Variants in GRIA1 observed in about 807,000 individuals in gnomAD.
The protein encoded by GRIA1 is glutamate ionotropic receptor AMPA type subunit 1, also known as glutamate receptor 1.
In GRIA1, 31 loss-of-function variants were observed where a neutral mutation model predicts 99.2. The ratio of observed to expected loss-of-function variants is 0.31; its 90% CI spans 0.23 to 0.42. GRIA1 has a LOEUF of 0.42. Ranked by LOEUF, GRIA1 falls within the 10% of genes least tolerant of loss-of-function variation. The pLI, the probability that GRIA1 is intolerant of heterozygous loss-of-function variation, is 1.00. For synonymous variants in GRIA1, 438 were observed against 432.4 expected (o/e 1.01, Z -0.16); for missense variants, 782 against 1,157.5 (o/e 0.68, Z 4.71).
intron 2 of GRIA1, among the ~76,000 whole-genome samples, chr5:153,588,442 T>G (rs1763686055): frequency 6.6e-6 from 1 of 152,206 alleles, no homozygotes; most frequent in Admixed American, 6.5e-5. Context: ...CATCAAAGAC[T>G]TCTGTAATTT....
chr5:153,557,940 CA>C (rs1760799223), intron 2 of GRIA1: 2 of 152,146 alleles, frequency 1.3e-5, no homozygotes, highest in Admixed American at 1.3e-4. Context: ...AGAAAGAGTG[CA>C]CTGTAAAATA....
At chr5:153,724,539 G>A (rs1353954733) in intron 11 of GRIA1, among the ~76,000 whole-genome samples, 1 of 152,218 alleles carries the variant, frequency 6.6e-6, no homozygotes, top group East Asian at 1.9e-4. Flanking sequence ...AACCAATACA[G>A]AGAAGTGCTC....
At chr5:153,525,699 C>T (rs1365205887) in intron 2 of GRIA1, among the ~76,000 whole-genome samples, 1 of 152,118 alleles carries the variant, frequency 6.6e-6, no homozygotes, top group Admixed American at 6.5e-5. Context: ...AGGGTCATCT[C>T]AATTTCTCCT....
intron 2 of GRIA1, among the ~76,000 whole-genome samples, chr5:153,631,463 G>T (rs1752958761): frequency 6.6e-6 from 1 of 152,220 alleles, no homozygotes; most frequent in Admixed American, 6.5e-5. Context: ...TAATTAAAAT[G>T]ATGTGAACTA....
At chr5:153,778,623 A>G (rs1350563462) in intron 13 of GRIA1, among the ~76,000 whole-genome samples, 2 of 150,778 alleles carry the variant, frequency 1.3e-5, no homozygotes, top group African/African-American at 4.9e-5. Context: ...TATTCAGATA[A>G]TAAAGATTAT....
At chr5:153,750,861 G>C (rs1004111716) in intron 11 of GRIA1, among the ~76,000 whole-genome samples, 3 of 152,148 alleles carry the variant, frequency 2.0e-5, no homozygotes, top group Admixed American at 2.0e-4. Flanking sequence ...ACTTTGAGAG[G>C]CTGAGGCAGC....
intron 8 of GRIA1, among the ~76,000 whole-genome samples, chr5:153,688,320 A>G (rs997401933): frequency 2.6e-5 from 4 of 152,046 alleles, no homozygotes; most frequent in Admixed American, 2.6e-4. Context: ...GTACACAGAC[A>G]CTCTTTCTGG....
At chr5:153,648,868 G>T (rs2963952) in intron 3 of GRIA1, among the ~76,000 whole-genome samples, 39,257 of 151,074 alleles carry the variant, frequency 0.26, 5,917 homozygotes, top group Non-Finnish European at 0.34. Context: ...TGTTGCAATC[G>T]CTAGAACCTG....
intron 11 of GRIA1, among the ~76,000 whole-genome samples, chr5:153,726,370 A>C (rs574253424): frequency 4.6e-4 from 68 of 148,064 alleles, no homozygotes; most frequent in Non-Finnish European, 6.2e-4. Flanking sequence ...AGCTAGCAGA[A>C]GGCAAGAAAT....
At chr5:153,494,960 T>C (rs992101274) in intron 2 of GRIA1, among the ~76,000 whole-genome samples, 4 of 152,202 alleles carry the variant, frequency 2.6e-5, no homozygotes, top group Non-Finnish European at 5.9e-5. Context: ...CACTATTGAC[T>C]TGGTGACTTC....
chr5:153,626,432 G>GTGTGTGTGTGTGTA lies in GRIA1; in HGVS notation c.221-20485_221-20484insGTATGTGTGTGTGT, dbSNP rs1273929422. Among the ~76,000 whole-genome samples, 4 of 138,858 alleles carry GTGTGTGTGTGTGTA rather than the reference G, an allele frequency of 2.9e-5. No individual in the cohort carries two copies. The Admixed American group carries it at 3.0e-4, about 10-fold the overall frequency. The allele number at this position is 138,858 out of a possible 152,430, so 91.1% of individuals were successfully genotyped here. ...GTGGAGAATGACAAATCTAGTCTCTGTGTGTGTGTGTCTGTGTGTGTGTGT... is the reference window on the plus strand; with the variant it reads ...GTGGAGAATGACAAATCTAGTCTCTGTGTGTGTGTGTGTATGTGTGTGTGTCTGTGTGTGTGTGT... On this transcript the variant is annotated intron_variant, in intron 2 of 15. Coordinates refer to ENST00000285900, the MANE Select transcript of GRIA1 (RefSeq NM_000827.4).
chr5:153,632,308 T>C (rs1753038171), intron 2 of GRIA1, among the ~76,000 whole-genome samples: 2 of 152,152 alleles, frequency 1.3e-5, no homozygotes, highest in South Asian at 4.1e-4. Flanking sequence ...TGTAAATACA[T>C]TTGTGACATC....
chr5:153,615,233 C>T (rs576062662), intron 2 of GRIA1, among the ~76,000 whole-genome samples: 1 of 152,220 alleles, frequency 6.6e-6, no homozygotes, highest in East Asian at 1.9e-4. Flanking sequence ...TTACTAAGTA[C>T]TCGTTATTAA....
intron 5 of GRIA1, among the ~76,000 whole-genome samples, chr5:153,670,659 T>A (rs1048331168): frequency 1.3e-5 from 2 of 152,064 alleles, no homozygotes; most frequent in African/African-American, 4.8e-5. Context: ...AATTACCAAA[T>A]ATTACCCTCT....
At chr5:153,697,194 GC>G (rs1758176199) in intron 8 of GRIA1, among the ~76,000 whole-genome samples, 1 of 152,104 alleles carries the variant, frequency 6.6e-6, no homozygotes, top group African/African-American at 2.4e-5. Flanking sequence ...CCCACACTTG[GC>G]TTTTGCTTCT....
chr5:153,799,979 G>A (rs1156398028), intron 14 of GRIA1, among the ~76,000 whole-genome samples: 1 of 152,052 alleles, frequency 6.6e-6, no homozygotes, highest in African/African-American at 2.4e-5. Flanking sequence ...ACCCTCTTAG[G>A]GCCTTTTGAA....
chr5:153,700,429 A>C (rs919223782), intron 10 of GRIA1, among the ~76,000 whole-genome samples: 6 of 152,170 alleles, frequency 3.9e-5, no homozygotes, highest in African/African-American at 1.4e-4. Flanking sequence ...CAGCCCAGGA[A>C]TTTTTAAAGT....
chr5:153,679,778 G>A (rs1756845172), intron 7 of GRIA1, among the ~76,000 whole-genome samples: 1 of 152,200 alleles, frequency 6.6e-6, no homozygotes, highest in South Asian at 2.1e-4. Flanking sequence ...TCACATAGTG[G>A]GAGAGAACCT....
At chr5:153,735,188 G>T (rs962646621) in intron 11 of GRIA1, among the ~76,000 whole-genome samples, 1 of 152,162 alleles carries the variant, frequency 6.6e-6, no homozygotes, top group African/African-American at 2.4e-5. Context: ...TTAAAGAAGG[G>T]TGACCAGTTG....
Sources: gnomAD v4.1 joint callset for allele counts (sites outside exome capture counted in the v4.1 genomes callset) on GRCh38, gnomAD v4.1.1 for gene constraint, MANE v1.5 for transcripts, NCBI Gene and HGNC (gene_info 2026-07-23, HGNC 2026-07-21) for gene names.